SGMS2: variants seen among roughly 807,000 people sequenced by gnomAD.
The protein encoded by SGMS2 is sphingomyelin synthase 2, also known as phosphatidylcholine:ceramide cholinephosphotransferase 2.
A neutral mutation model predicts 43.8 loss-of-function variants in SGMS2; 21 were observed. The ratio of observed to expected loss-of-function variants is 0.48; its 90% CI spans 0.34 to 0.69. The LOEUF is 0.69. Ranked by LOEUF, SGMS2 falls within the 30% of genes least tolerant of loss-of-function variation. The pLI is 0.01. For missense variants in SGMS2, 384 were observed against 443.2 expected (o/e 0.87, Z 1.20); for synonymous variants, 167 against 160.6 (o/e 1.04, Z -0.30).
chr4:107,853,977 G>A (rs372374751), intron 1 of SGMS2, among the ~76,000 whole-genome samples: 4 of 152,188 alleles, frequency 2.6e-5, no homozygotes, highest in South Asian at 4.1e-4. Context: ...TTTAGTGTAC[G>A]TGAACCGCAA....
chr4:107,912,552 G>A lies in SGMS2; in HGVS notation c.*1999G>A, dbSNP rs957381247. 2.8e-4 allele frequency: 42 copies of A among 152,198 alleles called. No individual in the cohort carries two copies. The highest frequency in any genetic ancestry group is 9.4e-4 in the African/African-American group (39 of 41,526). 9.4% of individuals were successfully genotyped at this position (152,198 alleles called of 1,614,324 possible). A position where few individuals can be genotyped will look rare whatever the true frequency, so the allele number is the denominator to read the frequency against. ...GAAAATCATCTGACACAGAAGCCTG[G>A]ATTTTGCTCTCCTAACACTGGTGTT... On this transcript the variant is annotated 3_prime_UTR_variant, in exon 7 of 7. Coordinates refer to ENST00000690982, the MANE Select transcript of SGMS2 (RefSeq NM_001375905.1).
intron 1 of SGMS2, among the ~76,000 whole-genome samples, chr4:107,841,016 T>C (rs1726468132): frequency 6.6e-6 from 1 of 152,152 alleles, no homozygotes. Flanking sequence ...TACCACCTAG[T>C]GTGGGAGACA....
At chr4:107,892,607 T>A (rs778770914) in intron 2 of SGMS2, among the ~76,000 whole-genome samples, 47 of 152,162 alleles carry the variant, frequency 3.1e-4, no homozygotes, top group Non-Finnish European at 6.3e-4. Flanking sequence ...TCATACATTT[T>A]AGGGGGATAT....
At chr4:107,906,074 A>G (rs187693722) in intron 5 of SGMS2, among the ~76,000 whole-genome samples, 2 of 152,286 alleles carry the variant, frequency 1.3e-5, no homozygotes, top group East Asian at 3.9e-4. Context: ...GTTTTTTTCT[A>G]TGCAATTAGG....
In SGMS2 at chr4:107,899,596, CTGTTT is replaced by C; in HGVS notation, c.479_483del (p.Cys160TyrfsTer136). The C allele has an allele frequency of 6.2e-7, 1 of 1,611,166 alleles. No homozygotes were observed. The highest frequency in any genetic ancestry group is 2.2e-5 in the East Asian group (1 of 44,720). On this transcript the variant is annotated frameshift_variant, in exon 4 of 7. Transcript: ENST00000690982. LOFTEE classifies it high-confidence loss of function. ...TTAGGTCAATAGTGGGACGCAGATT[CTGTTT>C]TATTATTGGAACTTTATACCTGTAT...
intron 2 of SGMS2, among the ~76,000 whole-genome samples, chr4:107,868,282 C>T (rs1482426656): frequency 6.6e-6 from 1 of 152,178 alleles, no homozygotes; most frequent in Admixed American, 6.5e-5. Context: ...CAACATTTCC[C>T]AGAAAACTCT....
chr4:107,878,159 C>T (rs923784457), intron 2 of SGMS2, among the ~76,000 whole-genome samples: 5 of 152,060 alleles, frequency 3.3e-5, no homozygotes, highest in African/African-American at 1.2e-4. Context: ...CACGATCCAC[C>T]CACCTGGGCT....
chr4:107,842,624 G>T (rs1385572374), intron 1 of SGMS2, among the ~76,000 whole-genome samples: 2 of 152,170 alleles, frequency 1.3e-5, no homozygotes, highest in African/African-American at 4.8e-5. Flanking sequence ...ATGGAAACTA[G>T]AGTAAGGTGT....
intron 2 of SGMS2, among the ~76,000 whole-genome samples, chr4:107,862,738 G>A (rs987172997): frequency 6.6e-6 from 1 of 152,140 alleles, no homozygotes; most frequent in Non-Finnish European, 1.5e-5. Context: ...AGTGTTGGGA[G>A]GACGTCGTGC....
chr4:107,847,675 C>A (rs1204453526), intron 1 of SGMS2, among the ~76,000 whole-genome samples: 1 of 152,018 alleles, frequency 6.6e-6, no homozygotes, highest in Admixed American at 6.6e-5. Flanking sequence ...CATCTTAAAC[C>A]ACGTAATTGG....
chr4:107,908,628 T>C lies in SGMS2; in HGVS notation c.791T>C (p.Ile264Thr). The C allele has an allele frequency of 6.2e-7, 1 of 1,614,128 alleles. No individual in the cohort carries two copies. Among genetic ancestry groups the C allele is most frequent in the South Asian group, 1.1e-5 (1 of 91,078 alleles). ...ICWLLSAAGI[I>T]CILVAHEHYT... ...TGGCTGCTGAGTGCTGCCGGGATCA[T>C]CTGCATTCTTGTAGCACACGAACAC... The change falls in exon 6 of 7, where the codon ATC becomes ACC. Residue 264 changes from isoleucine to threonine, a missense_variant. Physicochemically the swap from Ile to Thr is moderately conservative, Grantham distance 89. Coordinates refer to ENST00000690982, the MANE Select transcript of SGMS2 (RefSeq NM_001375905.1).
intron 2 of SGMS2, among the ~76,000 whole-genome samples, chr4:107,883,213 C>T (rs767866462): frequency 1.1e-4 from 17 of 152,260 alleles, no homozygotes; most frequent in Admixed American, 1.0e-3. Flanking sequence ...CCATAAGTAT[C>T]GATCACATGG....
intron 1 of SGMS2, among the ~76,000 whole-genome samples, chr4:107,853,966 A>G (rs1727289367): frequency 6.6e-6 from 1 of 152,242 alleles, no homozygotes; most frequent in Admixed American, 6.5e-5. Context: ...AGAATGCTAC[A>G]TTTAGTGTAC....
At chr4:107,846,300 C>T (rs1448212392) in intron 1 of SGMS2, among the ~76,000 whole-genome samples, 3 of 124,338 alleles carry the variant, frequency 2.4e-5, no homozygotes, top group Non-Finnish European at 4.8e-5. Context: ...GTGTGATGTT[C>T]CCCTTCCTGT....
chr4:107,868,110 A>G (rs1012667087), intron 2 of SGMS2, among the ~76,000 whole-genome samples: 1 of 152,228 alleles, frequency 6.6e-6, no homozygotes, highest in Non-Finnish European at 1.5e-5. Flanking sequence ...ATTTGTAAAT[A>G]CTTTTCCAAA....
chr4:107,847,182 C>T (rs1382513012), intron 1 of SGMS2, among the ~76,000 whole-genome samples: 1 of 151,630 alleles, frequency 6.6e-6, no homozygotes, highest in Non-Finnish European at 1.5e-5. Context: ...ACATGAAGTC[C>T]TTGCCCATGC....
chr4:107,825,620 C>CTTTTTTTTTTTTTTTTTTTTTT (rs201101875), intron 1 of SGMS2, among the ~76,000 whole-genome samples: 1 of 116,290 alleles, frequency 8.6e-6, no homozygotes, highest in African/African-American at 3.7e-5. Context: ...TTTTCTTTCT[C>CTTTTTTTTTTTTTTTTTTTTTT]TTTTTTTTTT....
chr4:107,896,094 T>TC (rs1287707512), intron 3 of SGMS2, 86 bp downstream of exon 3: 7 of 1,256,882 alleles, frequency 5.6e-6, no homozygotes, highest in East Asian at 2.4e-5. Flanking sequence ...TTCCTTTTTT[T>TC]CCCCCAATAA....
intron 1 of SGMS2, among the ~76,000 whole-genome samples, chr4:107,851,157 T>C (rs1343198578): frequency 3.3e-5 from 5 of 152,192 alleles, no homozygotes; most frequent in Non-Finnish European, 7.4e-5. Flanking sequence ...GCTTTCTGAT[T>C]GCTTGGAAGG....
Sources: gnomAD v4.1 joint callset for allele counts (sites outside exome capture counted in the v4.1 genomes callset) on GRCh38, gnomAD v4.1.1 for gene constraint, MANE v1.5 for transcripts, NCBI Gene and HGNC (gene_info 2026-07-23, HGNC 2026-07-21) for gene names.